The following FAM120C variants were observed in gnomAD, a reference collection of about 807,000 sequenced individuals.
The protein encoded by FAM120C is constitutive coactivator of PPAR-gamma-like protein 2.
Under a neutral mutation model 71.2 loss-of-function variants are expected in FAM120C, and 14 were observed. The observed-to-expected ratio is 0.20, with a 90% CI of 0.13 to 0.31. The LOEUF is 0.31. FAM120C is among the 10% of genes least tolerant of loss of function. The pLI, the probability that FAM120C is intolerant of heterozygous loss-of-function variation, is 1.00. For missense variants in FAM120C, 500 were observed against 879.0 expected, an observed-to-expected ratio of 0.57 and a Z score of 5.45; for synonymous variants, 354 against 353.2, an observed-to-expected ratio of 1.00 and a Z score of -0.03.
Position 54,182,839 on chromosome X carries a change from C to T in FAM120C, c.360G>A (p.Val120=). 8.5e-7 allele frequency: 1 copy of T among 1,177,378 alleles called. No homozygotes were observed. Among genetic ancestry groups the T allele is most frequent in the East Asian group, 3.0e-5 (1 of 33,016 alleles). Residue 120 remains valine, a synonymous_variant, in exon 1 of 16, where the codon GTG becomes GTA. Transcript: ENST00000375180. ...PPQLPGARVL[V]DAGSALPRLY... ...GCCGCGGCAGCGCCGAGCCGGCGTC[C>T]ACCAGCACCCGGGCCCCGGGCAGCT...
At chrX:54,151,637 T>G (rs925500835) in intron 3 of FAM120C, among the ~76,000 whole-genome samples, 1 of 112,017 alleles carries the variant, frequency 8.9e-6, no homozygotes, top group African/African-American at 3.2e-5. Context: ...TTAATCAGGC[T>G]TCCTTTCATG....
intron 4 of FAM120C, 135 bp from the exon 5 acceptor site, chrX:54,136,725 T>C: frequency 2.2e-6 from 1 of 451,189 alleles, no homozygotes; most frequent in Non-Finnish European, 3.8e-6. Flanking sequence ...ATTTTCGCTT[T>C]GCAGACAAGA....
At position 54,133,761 on chromosome X, in the gene FAM120C, G is replaced by A; in HGVS notation, c.1890+12C>T. On this transcript the variant is annotated intron_variant, in intron 8 of 15. Transcript: ENST00000375180. ...TAAGAGCAGGGAGGTAGGTGCTGAT[G>A]TGCTGCCTCACCTTAGTGAGGACAT... The A allele has an allele frequency of 8.3e-7, 1 of 1,207,806 alleles. No individual in the cohort carries two copies. Among genetic ancestry groups the A allele is most frequent in the Middle Eastern group, 2.5e-4 (1 of 3,967 alleles).
chrX:54,155,818 G>A (rs1454834624), intron 3 of FAM120C, among the ~76,000 whole-genome samples: 3 of 111,377 alleles, frequency 2.7e-5, no homozygotes, highest in African/African-American at 9.8e-5. Context: ...GATGGGAGCT[G>A]TGCCTGATAG....
chrX:54,088,602 A>AC (rs1278217009), intron 11 of FAM120C, among the ~76,000 whole-genome samples: 7 of 106,559 alleles, frequency 6.6e-5, no homozygotes, highest in Non-Finnish European at 1.4e-4. Context: ...AAAAAAAAAA[A>AC]AAAAAAAAAA....
chrX:54,099,241 C>A (rs902288249), intron 10 of FAM120C, among the ~76,000 whole-genome samples: 1 of 110,416 alleles, frequency 9.1e-6, no homozygotes, highest in Admixed American at 9.8e-5. Flanking sequence ...GCCTCAAACT[C>A]TTGGATTCAA....
chrX:54,087,735 G>A lies in FAM120C; in HGVS notation c.2637+20C>T. The A allele has an allele frequency of 8.3e-7, 1 of 1,200,343 alleles. No individual in the cohort carries two copies. Reference sequence around the variant, plus strand: ...CACAGGAGATCAGAGCTAGTCCTTAGCAGCCTGACATGCTGGTACCTGGCC... The same window carrying A: ...CACAGGAGATCAGAGCTAGTCCTTAACAGCCTGACATGCTGGTACCTGGCC... On this transcript the variant is annotated intron_variant, in intron 12 of 15. Coordinates refer to ENST00000375180, the MANE Select transcript of FAM120C (RefSeq NM_017848.6).
rs370295070 is a variant in FAM120C at position 54,082,762 on chromosome X, A to C, written c.2840-1302T>G. ...CATTACAGATTGTAGAATTAGCCAAACAACCAACAACCAAACTAAACTGAA... is the reference window on the plus strand; with the variant it reads ...CATTACAGATTGTAGAATTAGCCAACCAACCAACAACCAAACTAAACTGAA... On this transcript the variant is annotated intron_variant, in intron 13 of 15. Coordinates refer to ENST00000375180, the MANE Select transcript of FAM120C (RefSeq NM_017848.6). 2.4e-4 allele frequency among the ~76,000 whole-genome samples: 27 copies of C among 111,628 alleles called. No homozygotes were observed. The East Asian group carries it at 5.1e-3, about 21-fold the overall frequency.
At chrX:54,152,549 C>T (rs781845170) in intron 3 of FAM120C, among the ~76,000 whole-genome samples, 1 of 112,336 alleles carries the variant, frequency 8.9e-6, no homozygotes, top group South Asian at 3.7e-4. Flanking sequence ...TGAGCCACTG[C>T]GCCTGGCCCT....
intron 15 of FAM120C, among the ~76,000 whole-genome samples, chrX:54,076,338 A>AG (rs2066735811): frequency 9.1e-6 from 1 of 109,756 alleles, no homozygotes; most frequent in African/African-American, 3.3e-5. Flanking sequence ...TTAAAAAAAA[A>AG]AAAATACAAA....
chrX:54,116,235 CA>C (rs1374482737), intron 10 of FAM120C, among the ~76,000 whole-genome samples: 2 of 111,710 alleles, frequency 1.8e-5, no homozygotes, highest in Non-Finnish European at 3.8e-5. Context: ...TGGAAGGACA[CA>C]CATCAAATAC....
At chrX:54,164,001 C>T (rs1209545123) in intron 1 of FAM120C, among the ~76,000 whole-genome samples, 16 of 108,343 alleles carry the variant, frequency 1.5e-4, no homozygotes, top group Non-Finnish European at 2.5e-4. Flanking sequence ...GGCGCGATCT[C>T]GGCTCACCGC....
intron 4 of FAM120C, among the ~76,000 whole-genome samples, chrX:54,145,186 A>C (rs1557132243): frequency 8.9e-6 from 1 of 112,370 alleles, no homozygotes; most frequent in Non-Finnish European, 1.9e-5. Context: ...TATACACTTA[A>C]ATGTTAGACC....
In FAM120C at chrX:54,173,886, C is replaced by T. The variant is rs2067302166; in HGVS notation, c.699+8614G>A. The T allele has an allele frequency of 8.6e-6, 3 of 350,457 alleles. No homozygotes were observed. The East Asian group carries it at 1.3e-4, about 15-fold the overall frequency. The allele number at this position is 350,457 out of a possible 1,213,427, so 28.9% of individuals were successfully genotyped here. On this transcript the variant is annotated intron_variant, in intron 1 of 15. Transcript: ENST00000375180. ...TATCTCATAGTATCTGTAGGCATGG[C>T]TTAGCTGGGTCCTCTGGCTCAAGGT... is the stretch of plus-strand genomic sequence containing the variant.
chrX:54,113,916 C>A (rs1398855815), intron 10 of FAM120C, among the ~76,000 whole-genome samples: 2 of 106,901 alleles, frequency 1.9e-5, no homozygotes, highest in African/African-American at 6.8e-5. Context: ...AACTCCATCT[C>A]AAAAAAAAGA....
At chrX:54,151,967 G>A (rs1167162764) in intron 3 of FAM120C, among the ~76,000 whole-genome samples, 1 of 109,840 alleles carries the variant, frequency 9.1e-6, no homozygotes, top group Non-Finnish European at 1.9e-5. Context: ...TCTGGAACAC[G>A]TTACAATGGT....
chrX:54,146,542 A>T (rs1295522936), intron 4 of FAM120C, among the ~76,000 whole-genome samples: 2 of 110,778 alleles, frequency 1.8e-5, no homozygotes, highest in Non-Finnish European at 3.8e-5. Context: ...TTAGCCAGGC[A>T]TGGTGGCACA....
At chrX:54,097,786 G>A (rs2066859922) in intron 10 of FAM120C, among the ~76,000 whole-genome samples, 1 of 110,363 alleles carries the variant, frequency 9.1e-6, no homozygotes, top group African/African-American at 3.3e-5. Context: ...GAGTGCAGTG[G>A]CACGATCTCG....
Position 54,166,310 on chromosome X carries a change from G to C in FAM120C, c.700-6694C>G, listed in dbSNP as rs781943521. On this transcript the variant is annotated intron_variant, in intron 1 of 15. Coordinates refer to ENST00000375180, the MANE Select transcript of FAM120C (RefSeq NM_017848.6). ...GGTATAACGGTAGAATCTCTAGGGA[G>C]AGCGATTTGGCAAGACCTTTCAAAA... is the stretch of plus-strand genomic sequence containing the variant. Among the ~76,000 whole-genome samples the C allele has an allele frequency of 2.7e-5, 3 of 111,991 alleles. No homozygotes were observed. The East Asian group carries it at 8.3e-4, about 31-fold the overall frequency.
Sources: allele counts gnomAD v4.1 joint callset (sites outside exome capture counted in the v4.1 genomes callset), GRCh38; gene constraint gnomAD v4.1.1; transcripts MANE v1.5; gene names NCBI Gene and HGNC (gene_info 2026-07-23, HGNC 2026-07-21).